ABCC5: variants seen among roughly 807,000 people sequenced by gnomAD.
The protein encoded by ABCC5 is ATP binding cassette subfamily C member 5.
ABCC5 carries 61 observed loss-of-function variants against 160.9 expected under a neutral mutation model. That is an observed-to-expected ratio of 0.38 (90% CI 0.31 to 0.47). The LOEUF (loss-of-function observed/expected upper bound fraction) is 0.47, where lower values mean the gene tolerates loss of function less well. Among genes scored for constraint, ABCC5 ranks in the 20% least tolerant of loss-of-function variants. The pLI is 0.99. For synonymous variants in ABCC5, 666 were observed against 700.6 expected (o/e 0.95, Z 0.78); for missense variants, 1,308 against 1,813.3 (o/e 0.72, Z 5.06).
chr3:183,953,328 A>C, intron 17 of ABCC5, 58 bp from the exon 18 acceptor site: 1 of 1,495,160 alleles, frequency 6.7e-7, no homozygotes, highest in East Asian at 2.3e-5. Flanking sequence ...CCATAAAACT[A>C]AGTCACCTGC....
intron 16 of ABCC5, among the ~76,000 whole-genome samples, chr3:183,960,142 C>G (rs1716589802): frequency 6.6e-6 from 1 of 152,146 alleles, no homozygotes; most frequent in Non-Finnish European, 1.5e-5. Flanking sequence ...TCCATTCCTC[C>G]TCTCTGAGCC....
chr3:183,994,980 T>A (rs1174417555), intron 2 of ABCC5, among the ~76,000 whole-genome samples: 1 of 151,650 alleles, frequency 6.6e-6, no homozygotes, highest in Non-Finnish European at 1.5e-5. Flanking sequence ...ACCTCCCAAG[T>A]AGCTGGGACT....
chr3:183,928,851 A>T (rs543642292), intron 26 of ABCC5, 26 bp from the exon 27 acceptor site: 1 of 1,601,868 alleles, frequency 6.2e-7, no homozygotes, highest in African/African-American at 1.3e-5. Context: ...GGAATTTCTC[A>T]GTGGTCCCAC....
At chr3:183,927,022 A>T (rs1712644938) in intron 28 of ABCC5, among the ~76,000 whole-genome samples, 1 of 151,840 alleles carries the variant, frequency 6.6e-6, no homozygotes. Flanking sequence ...TCCAGCCTGG[A>T]GACAGAGCAA....
rs548459662 is a variant in ABCC5, at chr3:183,944,414, A to C, written c.3504+1436T>G. 7.2e-5 allele frequency among the ~76,000 whole-genome samples: 11 copies of C among 152,224 alleles called. No homozygotes were observed. The East Asian group carries it at 1.9e-3, about 27-fold the overall frequency. On this transcript the variant is annotated intron_variant, in intron 24 of 29. Coordinates refer to ENST00000334444, the MANE Select transcript of ABCC5 (RefSeq NM_005688.4). ...TCTCAAAAAAAATAAAAAAATAAAAAATAAATTAAAAAAGGAAAAAAAGAA... is the reference window on the plus strand; with the variant it reads ...TCTCAAAAAAAATAAAAAAATAAAACATAAATTAAAAAAGGAAAAAAAGAA...
At chr3:183,946,570 G>C (rs1714869018) in intron 23 of ABCC5, among the ~76,000 whole-genome samples, 1 of 152,078 alleles carries the variant, frequency 6.6e-6, no homozygotes, top group Non-Finnish European at 1.5e-5. Context: ...AGAAAGAGTA[G>C]TATAATGAAC....
chr3:183,957,975 CGTGTGT>C (rs1234819836), intron 17 of ABCC5, among the ~76,000 whole-genome samples: 176 of 104,322 alleles, frequency 1.7e-3, no homozygotes, highest in African/African-American at 5.7e-3. Flanking sequence ...CATGCGGATC[CGTGTGT>C]ACATCACATC....
At chr3:183,984,410 G>T (rs1359223949) in intron 5 of ABCC5, 1 of 996,010 alleles carries the variant, frequency 1.0e-6, no homozygotes, top group South Asian at 4.5e-5. Flanking sequence ...GGTGACTGCA[G>T]CTGTAAGTCA....
intron 26 of ABCC5, among the ~76,000 whole-genome samples, chr3:183,929,169 A>G (rs1165779960): frequency 6.6e-6 from 1 of 152,104 alleles, no homozygotes; most frequent in African/African-American, 2.4e-5. Context: ...GCAATGGCTC[A>G]TGTTTGTAAT....
In ABCC5 at chr3:183,949,870, C is replaced by T. The variant is rs1379203199; in HGVS notation, c.3110G>A (p.Arg1037Gln). 17 of 1,614,152 alleles carry T rather than the reference C, an allele frequency of 1.1e-5. No individual in the cohort carries two copies. The highest frequency in any genetic ancestry group is 3.3e-5 in the South Asian group (3 of 91,080). ...VLHIVSRVLIRELKRLDNITQ... is the reference protein window; with the variant it reads ...VLHIVSRVLIQELKRLDNITQ... ...GATATTGTCCAGACGCTTCAGCTCCCGAATCAGGACCCTGGAGAGAGAATG... is the reference window on the plus strand; with the variant it reads ...GATATTGTCCAGACGCTTCAGCTCCTGAATCAGGACCCTGGAGAGAGAATG... The change falls in exon 22 of 30, where the codon CGG (arginine) becomes CAG (glutamine). Residue 1037 changes from arginine (R) to glutamine (Q), a missense_variant. Arg to Gln is a conservative substitution (Grantham distance 43). This residue lies in a region of ABCC5 where 1,142 missense variants were observed against 1,527.1 expected (regional missense o/e 0.75). Transcript: ENST00000334444. This position sits in a 1 kb window ranked among gnomAD's most constrained non-coding sequence, Gnocchi z 4.2.
chr3:183,976,292 T>C (rs547931024), intron 10 of ABCC5, among the ~76,000 whole-genome samples: 1 of 152,130 alleles, frequency 6.6e-6, no homozygotes, highest in East Asian at 1.9e-4. Flanking sequence ...TCTCATTCTG[T>C]TGCCCAGGCT....
chr3:183,995,940 T>C (rs1333360946), intron 2 of ABCC5, among the ~76,000 whole-genome samples: 1 of 152,068 alleles, frequency 6.6e-6, no homozygotes, highest in African/African-American at 2.4e-5. Flanking sequence ...CCCGAGTAGC[T>C]GGGATTACAG....
chr3:183,967,485 A>G, intron 12 of ABCC5: 2 of 541,960 alleles, frequency 3.7e-6, no homozygotes, highest in Non-Finnish European at 6.7e-6. Flanking sequence ...ACAGTCAGTC[A>G]TCCATCAGGC....
At position 183,988,435 on chromosome 3, in the gene ABCC5, G is replaced by C. The variant is rs1719417924; in HGVS notation, c.443+137C>G. Reference sequence around the variant, plus strand: ...AGGAGATAAAGCAAAAGAGCAAAGAGAAAGTCATCCCCAGGCCGCCCGCCC... The same window carrying C: ...AGGAGATAAAGCAAAAGAGCAAAGACAAAGTCATCCCCAGGCCGCCCGCCC... On this transcript the variant is annotated intron_variant, in intron 4 of 29. Transcript: ENST00000334444. This position sits in a 1 kb window ranked among gnomAD's most constrained non-coding sequence, Gnocchi z 4.4. 9.7e-7 allele frequency: 1 copy of C among 1,026,660 alleles called. No individual in the cohort carries two copies. The highest frequency in any genetic ancestry group is 2.6e-5 in the Admixed American group (1 of 37,878). 63.6% of individuals were successfully genotyped at this position (1,026,660 alleles called of 1,614,324 possible). A position where few individuals can be genotyped will look rare whatever the true frequency, so the allele number is the denominator to read the frequency against.
At chr3:183,945,734 G>A (rs1714777945) in intron 24 of ABCC5, 116 bp downstream of exon 24, 2 of 781,890 alleles carry the variant, frequency 2.6e-6, no homozygotes, top group Admixed American at 1.8e-5. Context: ...GAGATTCTGT[G>A]GGATTAGATA....
chr3:183,990,705 G>T (rs1719685973), intron 2 of ABCC5, among the ~76,000 whole-genome samples: 1 of 152,170 alleles, frequency 6.6e-6, no homozygotes, highest in South Asian at 2.1e-4. Context: ...CGCAGCAAAG[G>T]ATCTCATGAG....
At chr3:184,003,061 G>T (rs527307722) in intron 2 of ABCC5, among the ~76,000 whole-genome samples, 3 of 151,934 alleles carry the variant, frequency 2.0e-5, no homozygotes, top group African/African-American at 7.3e-5. Flanking sequence ...GACAATGGGC[G>T]CCTCTTCAAA....
intron 2 of ABCC5, among the ~76,000 whole-genome samples, chr3:184,002,805 G>C (rs1442763596): frequency 5.3e-5 from 8 of 152,178 alleles, no homozygotes; most frequent in Non-Finnish European, 1.2e-4. Flanking sequence ...ACAACAGCAG[G>C]GTAGCCTGCC....
intron 8 of ABCC5, among the ~76,000 whole-genome samples, chr3:183,980,800 C>T (rs1718658665): frequency 6.6e-6 from 1 of 151,806 alleles, no homozygotes; most frequent in Non-Finnish European, 1.5e-5. Flanking sequence ...GCAACCTCCG[C>T]CTCTTGGGTT....
Sources: allele counts gnomAD v4.1 joint callset (sites outside exome capture counted in the v4.1 genomes callset), GRCh38; gene constraint gnomAD v4.1.1; regional missense constraint gnomAD v4.1.1; non-coding constraint Gnocchi (gnomAD v3.1); transcripts MANE v1.5; gene names NCBI Gene and HGNC (gene_info 2026-07-23, HGNC 2026-07-21).